The following CERS2 variants were observed in gnomAD, a reference collection of about 807,000 sequenced individuals.
The protein encoded by CERS2 is LAG1 homolog, ceramide synthase 2.
CERS2 carries 20 observed loss-of-function variants against 56.6 expected under a neutral mutation model. The observed-to-expected ratio is 0.35, with a 90% CI of 0.25 to 0.51. The LOEUF is 0.51. CERS2 is among the 20% of genes least tolerant of loss of function. CERS2 has a pLI of 0.96. For synonymous variants in CERS2, 187 were observed against 175.4 expected, an observed-to-expected ratio of 1.07 and a Z score of -0.52; for missense variants, 361 against 488.6, an observed-to-expected ratio of 0.74 and a Z score of 2.46.
intron 8 of CERS2, 75 bp from the exon 9 acceptor site, chr1:150,966,937 G>C: frequency 7.0e-7 from 1 of 1,432,924 alleles, no homozygotes. Context: ...ACTCCAGTTA[G>C]GAGCACTGAC....
At chr1:150,972,667 G>C (rs966828073) in intron 1 of CERS2, among the ~76,000 whole-genome samples, 2 of 152,174 alleles carry the variant, frequency 1.3e-5, no homozygotes, top group African/African-American at 4.8e-5. Context: ...GAAGAGACAT[G>C]GTATCTGTCT....
At chr1:150,970,227 C>CAAAAAAA (rs35333038) in intron 1 of CERS2, among the ~76,000 whole-genome samples, 1 of 51,200 alleles carries the variant, frequency 2.0e-5, no homozygotes, top group African/African-American at 1.0e-4. Context: ...GACTCTGTCT[C>CAAAAAAA]AAAAAAAAAA....
intron 2 of CERS2, 136 bp downstream of exon 2, chr1:150,968,782 G>A (rs1194014490): frequency 2.4e-6 from 2 of 830,052 alleles, no homozygotes; most frequent in Non-Finnish European, 3.9e-6. Context: ...CAGGGGAGGG[G>A]GTGCACAGTG....
chr1:150,967,519 G>A (rs1004966474), intron 6 of CERS2, 35 bp from the exon 7 acceptor site: 94 of 1,427,628 alleles, frequency 6.6e-5, no homozygotes, highest in Non-Finnish European at 8.7e-5. Context: ...GCAACCAGCC[G>A]CAAGGGTGTC....
rs150570438 is a variant in CERS2 at position 150,967,826 on chromosome 1, A to G, written c.462T>C (p.Ile154=). 3.7e-6 allele frequency: 6 copies of G among 1,613,778 alleles called. No homozygotes were observed. In the African/African-American group the frequency reaches 5.3e-5, roughly 14 times the overall value. ...LIAFIAGMAV[I]VDKPWFYDMK... is the part of the protein sequence containing the mutation. ...CCCAGTAATCCCCACTCACATCCAC[A>G]ATGACGGCCATGCCGGCAATGAAGG... Residue 154 remains isoleucine (I), a synonymous_variant, in exon 5 of 11, where the codon ATT becomes ATC. Transcript: ENST00000368954.
Position 150,966,874 on chromosome 1 carries a change from GCCC to G in CERS2, c.742-15_742-13del, listed in dbSNP as rs757338660. The G allele has an allele frequency of 1.1e-5, 18 of 1,595,398 alleles. No homozygotes were observed. The highest frequency in any genetic ancestry group is 1.5e-5 in the Non-Finnish European group (18 of 1,163,274). ...AACATCTTGGCTGACTGCATAGAGA[GCCC>G]CCATCCATCATCATGGGCTCCTGAC... On this transcript the variant is annotated splice_polypyrimidine_tract_variant and intron_variant, in intron 8 of 10. Transcript: ENST00000368954.
At chr1:150,967,321 CA>C in intron 7 of CERS2, 70 bp downstream of exon 7, 1 of 1,430,528 alleles carries the variant, frequency 7.0e-7, no homozygotes, top group Non-Finnish European at 9.9e-7. Context: ...ACCCAGAAGT[CA>C]AAGGAGAGGG....
chr1:150,968,196 T>A lies in CERS2; in HGVS notation c.297A>T (p.Glu99Asp), dbSNP rs1315717528. The A allele has an allele frequency of 6.2e-7, 1 of 1,609,154 alleles. No homozygotes were observed. The highest frequency in any genetic ancestry group is 1.7e-5 in the Admixed American group (1 of 59,984). ...CGCTCTGCCGGGACAAAAGCTCTAC[T>A]TCCACCTGGGCACAGTGAAGAAGCC... is the stretch of plus-strand genomic sequence containing the variant. ...LTSGKQPKQV[E>D]VELLSRQSGL... Residue 99 changes from glutamate to aspartate, a missense_variant, in exon 4 of 11, where the codon GAA becomes GAT. Glu to Asp is a conservative substitution (Grantham distance 45). This residue lies in a region of CERS2 where 236 missense variants were observed against 309.2 expected (regional missense o/e 0.76). Transcript: ENST00000368954.
In CERS2 at chr1:150,966,795, A is replaced by C; in HGVS notation, c.809T>G (p.Ile270Ser). ...TCNNIFIVFAIVFIITRLVIL... is the reference protein window; with the variant it reads ...TCNNIFIVFASVFIITRLVIL... ...GACCAGTCGGGTGATGATAAAAACA[A>C]TGGCGAAGACGATGAAGATGTTGTT... is the stretch of plus-strand genomic sequence containing the variant. The change falls in exon 9 of 11, where the codon ATT becomes AGT. Residue 270 changes from isoleucine (I) to serine (S), a missense_variant. By Grantham distance (142) the Ile-to-Ser change is moderately radical. Coordinates refer to ENST00000368954, the MANE Select transcript of CERS2 (RefSeq NM_022075.5). 1 of 1,614,094 alleles carries C rather than the reference A, an allele frequency of 6.2e-7. No individual in the cohort carries two copies. Among genetic ancestry groups the C allele is most frequent in the Non-Finnish European group, 8.5e-7 (1 of 1,179,980 alleles).
In CERS2 at chr1:150,966,042, C is replaced by T; in HGVS notation, c.*106G>A. On this transcript the variant is annotated 3_prime_UTR_variant, in exon 11 of 11. Coordinates refer to ENST00000368954, the MANE Select transcript of CERS2 (RefSeq NM_022075.5). ...GAGGGAGGATGCAGAGAACTCTCCTCTCACTTTCTCCTTTTTCCCCAGAGC... is the reference window on the plus strand; with the variant it reads ...GAGGGAGGATGCAGAGAACTCTCCTTTCACTTTCTCCTTTTTCCCCAGAGC... 1 of 1,205,212 alleles carries T rather than the reference C, an allele frequency of 8.3e-7. No individual in the cohort carries two copies. Among genetic ancestry groups the T allele is most frequent in the Non-Finnish European group, 1.1e-6 (1 of 872,690 alleles). The allele number at this position is 1,205,212 out of a possible 1,614,324, so 74.7% of individuals were successfully genotyped here. A position where few individuals can be genotyped will look rare whatever the true frequency, so the allele number is the denominator to read the frequency against.
chr1:150,967,241 C>T (rs1448629092), intron 7 of CERS2, 39 bp from the exon 8 acceptor site: 1 of 1,608,136 alleles, frequency 6.2e-7, no homozygotes. Flanking sequence ...TTTTTTTATT[C>T]CCCAGCTCTC....
In CERS2 at chr1:150,967,208, G is replaced by A. The variant is rs756927529; in HGVS notation, c.613-6C>T. On this transcript the variant is annotated splice_polypyrimidine_tract_variant and splice_region_variant and intron_variant, in intron 7 of 10. Coordinates refer to ENST00000368954, the MANE Select transcript of CERS2 (RefSeq NM_022075.5). ...ATGATCTGTTCCTTGAAATCCTGCA[G>A]AGATGATGCAGGCCCCAGGGCCTTT... 209 of 1,613,428 alleles carry A rather than the reference G, an allele frequency of 1.3e-4. No homozygotes were observed. Among genetic ancestry groups the A allele is most frequent in the Non-Finnish European group, 1.7e-4 (198 of 1,179,464 alleles).
chr1:150,971,713 G>T (rs1449055526), intron 1 of CERS2: 7 of 345,648 alleles, frequency 2.0e-5, no homozygotes, highest in Non-Finnish European at 4.1e-5. Flanking sequence ...GTAGAAAATT[G>T]AATAAAGAAG....
At chr1:150,973,315 A>G (rs1447459380) in intron 1 of CERS2, 1 of 152,340 alleles carries the variant, frequency 6.6e-6, no homozygotes, top group Admixed American at 6.5e-5. Context: ...GCCTCCACGG[A>G]CCAAAACACT....
chr1:150,967,213 G>A lies in CERS2; in HGVS notation c.613-11C>T, dbSNP rs1571672391. On this transcript the variant is annotated splice_polypyrimidine_tract_variant and intron_variant, in intron 7 of 10. Coordinates refer to ENST00000368954, the MANE Select transcript of CERS2 (RefSeq NM_022075.5). ...CTGTTCCTTGAAATCCTGCAGAGAT[G>A]ATGCAGGCCCCAGGGCCTTTTTTTA... 1.2e-6 allele frequency: 2 copies of A among 1,613,162 alleles called. No individual in the cohort carries two copies. The highest frequency in any genetic ancestry group is 1.7e-6 in the Non-Finnish European group (2 of 1,179,164).
chr1:150,968,104 A>G lies in CERS2; in HGVS notation c.389T>C (p.Leu130Pro). 1 of 1,610,082 alleles carries G rather than the reference A, an allele frequency of 6.2e-7. No homozygotes were observed. ...CCACCTGGCTTCTCGGAACTTCTTGAGGAGACTGGGCCGGTCCTGGTTGCG... is the reference window on the plus strand; with the variant it reads ...CCACCTGGCTTCTCGGAACTTCTTGGGGAGACTGGGCCGGTCCTGGTTGCG... ...RRRNQDRPSL[L>P]KKFREASWRF... Residue 130 changes from leucine to proline, a missense_variant, in exon 4 of 11, where the codon CTC becomes CCC. Leu to Pro is a moderately conservative substitution (Grantham distance 98). Coordinates refer to ENST00000368954, the MANE Select transcript of CERS2 (RefSeq NM_022075.5).
chr1:150,969,657 T>C (rs1671127892), intron 1 of CERS2, among the ~76,000 whole-genome samples: 1 of 152,062 alleles, frequency 6.6e-6, no homozygotes, highest in South Asian at 2.1e-4. Flanking sequence ...TTACAACCTC[T>C]GATTTCGGGG....
At chr1:150,969,606 C>G (rs1340258254) in intron 1 of CERS2, among the ~76,000 whole-genome samples, 1 of 151,326 alleles carries the variant, frequency 6.6e-6, no homozygotes, top group African/African-American at 2.4e-5. Flanking sequence ...TCTACAGCAA[C>G]CTGCAGACGT....
At chr1:150,967,231 T>C (rs1253465789) in intron 7 of CERS2, 29 bp from the exon 8 acceptor site, 4 of 1,604,526 alleles carry the variant, frequency 2.5e-6, no homozygotes, top group Non-Finnish European at 2.6e-6. Flanking sequence ...CCCCAGGGCC[T>C]TTTTTTATTC....
Sources: gnomAD v4.1 joint callset for allele counts (sites outside exome capture counted in the v4.1 genomes callset) on GRCh38, gnomAD v4.1.1 for gene constraint, gnomAD v4.1.1 regional missense constraint, MANE v1.5 for transcripts, NCBI Gene and HGNC (gene_info 2026-07-23, HGNC 2026-07-21) for gene names.